TARBP1: variants seen among roughly 807,000 people sequenced by gnomAD.
TARBP1 encodes the protein tRNA (guanosine(18)-2'-O)-methyltransferase TARBP1.
In TARBP1, 144 loss-of-function variants were observed where a neutral mutation model predicts 178.6. That is an observed-to-expected ratio of 0.81 (90% confidence interval 0.70 to 0.93). TARBP1 has a LOEUF of 0.93. Ranked by LOEUF, TARBP1 falls within the 40% of genes least tolerant of loss-of-function variation. The pLI is 0.00. For missense variants in TARBP1, 2,067 were observed against 2,011.7 expected (o/e 1.03, Z -0.53); for synonymous variants, 787 against 781.0 (o/e 1.01, Z -0.13).
At chr1:234,419,946 T>C (rs1558177988) in intron 21 of TARBP1, among the ~76,000 whole-genome samples, 2 of 152,336 alleles carry the variant, frequency 1.3e-5, no homozygotes, top group South Asian at 2.1e-4. Flanking sequence ...CTAGTATATA[T>C]ATTTGTAATT....
chr1:234,455,424 T>C lies in TARBP1; in HGVS notation c.1722+2243A>G, dbSNP rs150853865. 5.3e-5 allele frequency among the ~76,000 whole-genome samples: 8 copies of C among 152,136 alleles called. No individual in the cohort carries two copies. The East Asian group carries it at 1.2e-3, about 22-fold the overall frequency. On this transcript the variant is annotated intron_variant, in intron 9 of 29. Coordinates refer to ENST00000040877, the MANE Select transcript of TARBP1 (RefSeq NM_005646.4). ...CTCAACAGTTCGGCAATGGGGGAAATTGAATAAACAATGGTACAACCACCA... is the reference window on the plus strand; with the variant it reads ...CTCAACAGTTCGGCAATGGGGGAAACTGAATAAACAATGGTACAACCACCA...
chr1:234,429,259 A>G lies in TARBP1; in HGVS notation c.2937T>C (p.Ser979=), dbSNP rs1261221587. Residue 979 remains serine, a synonymous_variant, in exon 17 of 30, where the codon TCT becomes TCC. Coordinates refer to ENST00000040877, the MANE Select transcript of TARBP1 (RefSeq NM_005646.4). Reference sequence around the variant, plus strand: ...AGAATATCAGCTGAGTGTTGCTTAAAGAAGATATAATTTTCCACGCCATGT... The same window carrying G: ...AGAATATCAGCTGAGTGTTGCTTAAGGAAGATATAATTTTCCACGCCATGT... The part of the protein sequence containing the change: ...SFDMAWKIIS[S]LSNTQLIFWA... The G allele has an allele frequency of 6.2e-7, 1 of 1,606,752 alleles. No individual in the cohort carries two copies. Among genetic ancestry groups the G allele is most frequent in the Admixed American group, 1.7e-5 (1 of 57,884 alleles).
intron 1 of TARBP1, among the ~76,000 whole-genome samples, chr1:234,477,221 G>A (rs1221575764): frequency 6.6e-6 from 1 of 152,020 alleles, no homozygotes; most frequent in Non-Finnish European, 1.5e-5. Flanking sequence ...CAAAATAACA[G>A]ACTCATGTAA....
At chr1:234,472,220 T>C (rs566194444) in intron 2 of TARBP1, among the ~76,000 whole-genome samples, 1 of 149,062 alleles carries the variant, frequency 6.7e-6, no homozygotes, top group Non-Finnish European at 1.5e-5. Flanking sequence ...TCCCAGCTAC[T>C]TGGGAGGCTG....
At chr1:234,429,753 C>A in intron 15 of TARBP1, 76 bp from the exon 16 acceptor site, 8 of 1,240,282 alleles carry the variant, frequency 6.5e-6, no homozygotes, top group Non-Finnish European at 8.5e-6. Context: ...GCACACTATC[C>A]TTTCTAAAGG....
rs1011740353 is a variant in TARBP1, at chr1:234,425,909, A to G, written c.3324-116T>C. ...AAACCTCTCAAAGTTTTCTAAAATT[A>G]AGTAGGTCCATACTTAATGACAATA... On this transcript the variant is annotated intron_variant, in intron 19 of 29. Transcript: ENST00000040877. The G allele has an allele frequency of 2.5e-5, 19 of 754,346 alleles. No individual in the cohort carries two copies. The Middle Eastern group carries it at 1.2e-3, about 46-fold the overall frequency. The allele number at this position is 754,346 out of a possible 1,614,324, so 46.7% of individuals were successfully genotyped here.
At chr1:234,401,511 G>C (rs188309397) in intron 24 of TARBP1, among the ~76,000 whole-genome samples, 1 of 152,220 alleles carries the variant, frequency 6.6e-6, no homozygotes, top group East Asian at 1.9e-4. Context: ...TTTTCCAGGA[G>C]AGAAAACCAT....
chr1:234,422,991 G>A (rs1663284816), intron 20 of TARBP1, among the ~76,000 whole-genome samples: 1 of 152,196 alleles, frequency 6.6e-6, no homozygotes, highest in Non-Finnish European at 1.5e-5. Context: ...CATTAAAACA[G>A]AGTGCTGGGC....
chr1:234,438,403 A>G (rs1275423880), intron 12 of TARBP1, among the ~76,000 whole-genome samples: 2 of 152,216 alleles, frequency 1.3e-5, no homozygotes, highest in African/African-American at 4.8e-5. Flanking sequence ...ATCAATGACA[A>G]TCTTGAAGGA....
At chr1:234,404,507 G>C (rs1661014626) in intron 24 of TARBP1, among the ~76,000 whole-genome samples, 2 of 152,124 alleles carry the variant, frequency 1.3e-5, no homozygotes, top group Admixed American at 1.3e-4. Context: ...CCAAATAATA[G>C]GAAATACACC....
At chr1:234,398,797 C>T (rs1349309153) in intron 25 of TARBP1, among the ~76,000 whole-genome samples, 2 of 146,084 alleles carry the variant, frequency 1.4e-5, no homozygotes, top group Admixed American at 6.6e-5. Context: ...GTACTTCTAA[C>T]TGTGTGTAAT....
intron 17 of TARBP1, among the ~76,000 whole-genome samples, chr1:234,428,217 G>A (rs1664001855): frequency 6.6e-6 from 1 of 152,202 alleles, no homozygotes; most frequent in South Asian, 2.1e-4. Flanking sequence ...TTCCCCTGGG[G>A]ATCAGGAGGT....
chr1:234,418,319 G>GT (rs779350927), intron 21 of TARBP1, 86 bp from the exon 22 acceptor site: 1 of 1,204,588 alleles, frequency 8.3e-7, no homozygotes. Flanking sequence ...ATAGCTTAAA[G>GT]TTTTTATCAT....
intron 5 of TARBP1, 73 bp from the exon 6 acceptor site, chr1:234,464,007 T>G: frequency 2.3e-6 from 2 of 881,462 alleles, no homozygotes; most frequent in Non-Finnish European, 3.2e-6. Flanking sequence ...CTAGCCTAAA[T>G]GGACCATGGC....
At chr1:234,475,081 G>T (rs1193984479) in intron 1 of TARBP1, among the ~76,000 whole-genome samples, 2 of 152,226 alleles carry the variant, frequency 1.3e-5, no homozygotes, top group East Asian at 3.8e-4. Flanking sequence ...ACAGCTTGCT[G>T]AGGGAGTCCA....
At chr1:234,416,019 T>C (rs768181850) in intron 22 of TARBP1, among the ~76,000 whole-genome samples, 10 of 152,178 alleles carry the variant, frequency 6.6e-5, no homozygotes, top group Non-Finnish European at 1.5e-4. Flanking sequence ...TCGAAGAGAA[T>C]ATACAAGGTC....
chr1:234,420,864 A>C, intron 20 of TARBP1, 52 bp from the exon 21 acceptor site: 1 of 1,118,560 alleles, frequency 8.9e-7, no homozygotes, highest in Non-Finnish European at 1.3e-6. Flanking sequence ...TGAATTTGTG[A>C]TTAATGAAAA....
chr1:234,448,311 C>T (rs1666389519), intron 11 of TARBP1, among the ~76,000 whole-genome samples, 169 bp downstream of exon 11: 1 of 152,180 alleles, frequency 6.6e-6, no homozygotes. Flanking sequence ...GCCCCTATTC[C>T]TATTTGTTAT....
intron 28 of TARBP1, chr1:234,392,832 T>A (rs1659529369): frequency 5.3e-6 from 1 of 188,022 alleles, no homozygotes; most frequent in Admixed American, 6.1e-5. Flanking sequence ...TGCCTCAGCA[T>A]CCCAAGTAGC....
Sources: allele counts gnomAD v4.1 joint callset (sites outside exome capture counted in the v4.1 genomes callset), GRCh38; gene constraint gnomAD v4.1.1; transcripts MANE v1.5; gene names NCBI Gene and HGNC (gene_info 2026-07-23, HGNC 2026-07-21).